Variants in SNTG2 observed in about 807,000 individuals in gnomAD.
The protein encoded by SNTG2 is syntrophin gamma 2, also known as gamma-2-syntrophin.
Under a neutral mutation model 70.9 loss-of-function variants are expected in SNTG2, and 74 were observed. The ratio of observed to expected loss-of-function variants is 1.04; its 90% CI spans 0.86 to 1.27. The LOEUF (loss-of-function observed/expected upper bound fraction) is 1.27, where lower values mean the gene tolerates loss of function less well. Among genes scored for constraint, SNTG2 ranks in the 50% most tolerant of loss-of-function variants. The probability of loss-of-function intolerance (pLI) is 0.00; values close to 1 mark genes in which losing one functional copy is unlikely to be tolerated. For missense variants in SNTG2, 717 were observed against 690.7 expected (o/e 1.04, Z -0.43); for synonymous variants, 278 against 273.8 (o/e 1.02, Z -0.15).
intron 9 of SNTG2, among the ~76,000 whole-genome samples, chr2:1,209,616 T>C (rs1263779668): frequency 6.6e-6 from 1 of 152,256 alleles, no homozygotes; most frequent in African/African-American, 2.4e-5. Flanking sequence ...GGGCCTCTTT[T>C]TCTTCAGTAA....
chr2:997,265 T>G (rs768735259), intron 1 of SNTG2, among the ~76,000 whole-genome samples: 6 of 152,144 alleles, frequency 3.9e-5, no homozygotes, highest in Non-Finnish European at 8.8e-5. Flanking sequence ...GCACGTGGCT[T>G]ATGAACAGAA....
At chr2:1,248,927 C>A (rs1327801583) in intron 12 of SNTG2, among the ~76,000 whole-genome samples, 1 of 152,170 alleles carries the variant, frequency 6.6e-6, no homozygotes, top group Non-Finnish European at 1.5e-5. Flanking sequence ...CATTGAAAAG[C>A]AAGGGTTCAA....
At chr2:976,647 C>T (rs936337810) in intron 1 of SNTG2, among the ~76,000 whole-genome samples, 3 of 152,156 alleles carry the variant, frequency 2.0e-5, no homozygotes, top group Admixed American at 1.3e-4. Flanking sequence ...TCACCCATTT[C>T]GGAACACATC....
At chr2:1,148,602 T>G (rs1669254316) in intron 6 of SNTG2, among the ~76,000 whole-genome samples, 1 of 152,194 alleles carries the variant, frequency 6.6e-6, no homozygotes, top group African/African-American at 2.4e-5. Context: ...TACCTGACAC[T>G]AAGCCTGAGC....
chr2:1,273,002 G>A (rs531510988), intron 14 of SNTG2, among the ~76,000 whole-genome samples: 2 of 152,286 alleles, frequency 1.3e-5, no homozygotes, highest in Admixed American at 6.5e-5. Context: ...TGTGCTATAC[G>A]GATGCGCACC....
At chr2:1,244,101 G>GA (rs1677239398) in intron 11 of SNTG2, among the ~76,000 whole-genome samples, 1 of 151,984 alleles carries the variant, frequency 6.6e-6, no homozygotes, top group Non-Finnish European at 1.5e-5. Context: ...GCAGGCAAAA[G>GA]AAAAACATCA....
At chr2:976,285 T>C (rs1436988219) in intron 1 of SNTG2, among the ~76,000 whole-genome samples, 4 of 152,066 alleles carry the variant, frequency 2.6e-5, no homozygotes, top group Admixed American at 2.6e-4. Flanking sequence ...TGTGTTTGAG[T>C]GGTATTTTGA....
At chr2:1,041,367 G>C (rs1455007616) in intron 1 of SNTG2, among the ~76,000 whole-genome samples, 1 of 152,168 alleles carries the variant, frequency 6.6e-6, no homozygotes, top group Non-Finnish European at 1.5e-5. Context: ...ACTTAAGTAA[G>C]GATCCAATCT....
chr2:1,341,753 G>C (rs1010671007), intron 16 of SNTG2: 1 of 152,186 alleles, frequency 6.6e-6, no homozygotes, highest in East Asian at 1.9e-4. Flanking sequence ...TTCCGAGGCA[G>C]CTTCTGGGGC....
intron 14 of SNTG2, among the ~76,000 whole-genome samples, chr2:1,291,672 T>C (rs964891091): frequency 2.6e-5 from 4 of 152,232 alleles, no homozygotes; most frequent in Non-Finnish European, 5.9e-5. Flanking sequence ...GAGGGTTTCT[T>C]TCATCGCTCT....
rs142262741 is a variant in SNTG2 at position 1,103,041 on chromosome 2, C to T, written c.325+4631C>T. Reference sequence around the variant, plus strand: ...ACCCTGGAGCCCCCGCCCCCTGGTCCCTCTGATGTGGAGACCTTCAGACCT... The same window carrying T: ...ACCCTGGAGCCCCCGCCCCCTGGTCTCTCTGATGTGGAGACCTTCAGACCT... On this transcript the variant is annotated intron_variant, in intron 4 of 16. Coordinates refer to ENST00000308624, the MANE Select transcript of SNTG2 (RefSeq NM_018968.4). Among the ~76,000 whole-genome samples the T allele has an allele frequency of 3.3e-3, 502 of 152,312 alleles. 2 individuals carry two copies. Among genetic ancestry groups the T allele is most frequent in the African/African-American group, 0.012 (481 of 41,582 alleles).
chr2:1,285,242 C>A (rs528321885), intron 14 of SNTG2, among the ~76,000 whole-genome samples: 6 of 152,248 alleles, frequency 3.9e-5, no homozygotes, highest in Middle Eastern at 3.4e-3. Context: ...GGTGGGTCTG[C>A]CTTTCCCAGC....
chr2:1,167,629 G>A (rs982349224), intron 7 of SNTG2, among the ~76,000 whole-genome samples: 4 of 103,600 alleles, frequency 3.9e-5, no homozygotes, highest in East Asian at 3.8e-4. Flanking sequence ...CCTACAAGCC[G>A]CCCACAGACG....
intron 6 of SNTG2, among the ~76,000 whole-genome samples, chr2:1,158,027 T>G (rs1670017875): frequency 6.6e-6 from 1 of 152,206 alleles, no homozygotes; most frequent in Non-Finnish European, 1.5e-5. Context: ...CCTGTAGACA[T>G]GCCTAGCAGC....
At chr2:1,047,706 C>G (rs1428008581) in intron 1 of SNTG2, among the ~76,000 whole-genome samples, 2 of 152,212 alleles carry the variant, frequency 1.3e-5, no homozygotes, top group African/African-American at 2.4e-5. Context: ...TTGGTGGGCT[C>G]TTGCTCAGCC....
intron 4 of SNTG2, among the ~76,000 whole-genome samples, chr2:1,135,525 G>A (rs1359606010): frequency 6.6e-6 from 1 of 152,184 alleles, no homozygotes; most frequent in Non-Finnish European, 1.5e-5. Context: ...TTCGAGACCA[G>A]CCTGGCCAAC....
At chr2:1,360,090 G>A (rs1661059067) in intron 16 of SNTG2, among the ~76,000 whole-genome samples, 1 of 152,064 alleles carries the variant, frequency 6.6e-6, no homozygotes, top group African/African-American at 2.4e-5. Context: ...ATTGAAAGAA[G>A]TTATCTGTAT....
intron 8 of SNTG2, among the ~76,000 whole-genome samples, chr2:1,186,768 A>C (rs1672278507): frequency 6.6e-6 from 1 of 152,194 alleles, no homozygotes; most frequent in Admixed American, 6.5e-5. Context: ...AACATTGAGG[A>C]TTACAATTCA....
Position 951,034 on chromosome 2 carries a change from G to T in SNTG2, c.38G>T (p.Arg13Leu). ...TEGPPPPAASRGRQGCLLVPA... is the reference protein window; with the variant it reads ...TEGPPPPAASLGRQGCLLVPA... Reference sequence around the variant, plus strand: ...GGACCCCCGCCCCCGGCCGCCTCCCGCGGACGCCAGGGCTGCCTGCTGGTA... The same window carrying T: ...GGACCCCCGCCCCCGGCCGCCTCCCTCGGACGCCAGGGCTGCCTGCTGGTA... The change falls in exon 1 of 17, where the codon CGC (arginine) becomes CTC (leucine). Residue 13 changes from arginine to leucine, a missense_variant. By Grantham distance (102) the Arg-to-Leu change is moderately radical (BLOSUM62 -2). Coordinates refer to ENST00000308624, the MANE Select transcript of SNTG2 (RefSeq NM_018968.4). 7.9e-7 allele frequency: 1 copy of T among 1,263,800 alleles called. No homozygotes were observed. The highest frequency in any genetic ancestry group is 9.9e-7 in the Non-Finnish European group (1 of 1,007,166). The allele number at this position is 1,263,800 out of a possible 1,614,324, so 78.3% of individuals were successfully genotyped here. A position where few individuals can be genotyped will look rare whatever the true frequency, so the allele number is the denominator to read the frequency against.
Sources: allele counts gnomAD v4.1 joint callset (sites outside exome capture counted in the v4.1 genomes callset), GRCh38; gene constraint gnomAD v4.1.1; transcripts MANE v1.5; gene names NCBI Gene and HGNC (gene_info 2026-07-23, HGNC 2026-07-21).